Variants in ZNF407 observed in about 807,000 individuals in gnomAD.
ZNF407 encodes zinc finger protein 407.
Under a neutral mutation model 131.2 loss-of-function variants are expected in ZNF407, and 17 were observed. That is an observed-to-expected ratio of 0.13 (90% CI 0.09 to 0.19). The LOEUF (loss-of-function observed/expected upper bound fraction) is 0.19, where lower values mean the gene tolerates loss of function less well. Among genes scored for constraint, ZNF407 ranks in the 10% least tolerant of loss-of-function variants. The pLI is 1.00. For synonymous variants in ZNF407, 1,156 were observed against 1,062.0 expected, an observed-to-expected ratio of 1.09 and a Z score of -1.72; for missense variants, 2,681 against 2,830.6, an observed-to-expected ratio of 0.95 and a Z score of 1.20.
intron 3 of ZNF407, among the ~76,000 whole-genome samples, chr18:74,741,806 T>C (rs1968556974): frequency 6.6e-6 from 1 of 152,172 alleles, no homozygotes; most frequent in South Asian, 2.1e-4. Flanking sequence ...AAAATTGCTA[T>C]TTAAGAGCCT....
At chr18:75,005,269 C>T (rs1972895030) in intron 8 of ZNF407, among the ~76,000 whole-genome samples, 1 of 152,242 alleles carries the variant, frequency 6.6e-6, no homozygotes, top group Admixed American at 6.5e-5. Context: ...CATAGTTCCT[C>T]TACCTGAATT....
chr18:74,938,398 C>T (rs1243756570), intron 8 of ZNF407, among the ~76,000 whole-genome samples: 1 of 152,166 alleles, frequency 6.6e-6, no homozygotes, highest in East Asian at 1.9e-4. Flanking sequence ...TTAGAGTGAT[C>T]TTTCCACCTA....
rs1183369855 is a variant in ZNF407 at position 75,059,455 on chromosome 18, T to TGC, written c.5429-3695_5429-3694insGC. Among the ~76,000 whole-genome samples the TGC allele has an allele frequency of 5.3e-3, 802 of 152,320 alleles. 8 individuals carry two copies. Among genetic ancestry groups the TGC allele is most frequent in the African/African-American group, 0.018 (747 of 41,564 alleles). ...GAGGGGAATGACCAGAAGGCTGCCT[T>TGC]CTTTGTTTTTGTGTCCTTATTTCCG... On this transcript the variant is annotated intron_variant, in intron 8 of 8. Transcript: ENST00000299687.
intron 3 of ZNF407, among the ~76,000 whole-genome samples, chr18:74,751,301 A>G (rs1266347730): frequency 6.6e-6 from 1 of 152,094 alleles, no homozygotes; most frequent in East Asian, 1.9e-4. Flanking sequence ...GAAGGAGTTC[A>G]TTTTATTCTT....
chr18:75,010,165 T>C (rs1318494828), intron 8 of ZNF407, among the ~76,000 whole-genome samples: 3 of 152,200 alleles, frequency 2.0e-5, no homozygotes, highest in African/African-American at 7.2e-5. Context: ...TGTTTGCTAA[T>C]AAAGGACAAC....
At chr18:74,790,842 G>A (rs919929969) in intron 4 of ZNF407, among the ~76,000 whole-genome samples, 1 of 152,168 alleles carries the variant, frequency 6.6e-6, no homozygotes, top group Non-Finnish European at 1.5e-5. Context: ...TCTATCTGAA[G>A]TAATTTTTGT....
chr18:74,845,461 A>G (rs1485727163), intron 4 of ZNF407, among the ~76,000 whole-genome samples: 1 of 152,234 alleles, frequency 6.6e-6, no homozygotes, highest in African/African-American at 2.4e-5. Context: ...AGTAAGGATT[A>G]TTGATATCGC....
intron 8 of ZNF407, among the ~76,000 whole-genome samples, chr18:74,974,069 GTA>G (rs776610898): frequency 3.9e-5 from 6 of 152,138 alleles, no homozygotes; most frequent in Non-Finnish European, 7.3e-5. Flanking sequence ...ATTTATCATA[GTA>G]TATATAAGTA....
chr18:74,759,678 A>G (rs1038291970), intron 3 of ZNF407, among the ~76,000 whole-genome samples: 3 of 150,782 alleles, frequency 2.0e-5, no homozygotes, highest in Non-Finnish European at 4.4e-5. Flanking sequence ...CAATTATTTT[A>G]CTTTTCAGCT....
At chr18:74,976,050 G>T (rs902427873) in intron 8 of ZNF407, among the ~76,000 whole-genome samples, 1 of 152,068 alleles carries the variant, frequency 6.6e-6, no homozygotes, top group Admixed American at 6.6e-5. Context: ...TAATCTGGTC[G>T]TAATATTTTC....
At chr18:74,753,196 G>T (rs1004679810) in intron 3 of ZNF407, among the ~76,000 whole-genome samples, 2 of 152,102 alleles carry the variant, frequency 1.3e-5, no homozygotes, top group African/African-American at 4.8e-5. Context: ...TCTGTTATTG[G>T]TGCGTAGGAA....
intron 3 of ZNF407, among the ~76,000 whole-genome samples, chr18:74,669,207 C>G (rs1986045541): frequency 6.6e-6 from 1 of 152,230 alleles, no homozygotes; most frequent in Non-Finnish European, 1.5e-5. Context: ...CTTGTGCCCA[C>G]AGGTTTCTCA....
chr18:74,872,180 C>CG (rs1040080193), intron 4 of ZNF407, among the ~76,000 whole-genome samples: 1 of 151,062 alleles, frequency 6.6e-6, no homozygotes, highest in African/African-American at 2.4e-5. Context: ...GCCCCGCCCC[C>CG]CTCCACAGGC....
At chr18:74,747,188 C>T (rs1395215429) in intron 3 of ZNF407, among the ~76,000 whole-genome samples, 2 of 152,022 alleles carry the variant, frequency 1.3e-5, no homozygotes, top group Non-Finnish European at 2.9e-5. Context: ...TATTTCCTCA[C>T]TTTCTCTTTT....
intron 4 of ZNF407, among the ~76,000 whole-genome samples, chr18:74,794,091 T>C (rs1220622666): frequency 6.6e-6 from 1 of 152,190 alleles, no homozygotes; most frequent in Non-Finnish European, 1.5e-5. Flanking sequence ...CTCCGAAGCC[T>C]CTGGTGTTTG....
chr18:74,899,749 C>T (rs1374209887), intron 7 of ZNF407, among the ~76,000 whole-genome samples: 5 of 152,136 alleles, frequency 3.3e-5, no homozygotes, highest in Non-Finnish European at 5.9e-5. Context: ...AAAGAGTGGG[C>T]GGCGTGCCAG....
At chr18:74,706,022 A>G (rs1056194673) in intron 3 of ZNF407, among the ~76,000 whole-genome samples, 3 of 152,076 alleles carry the variant, frequency 2.0e-5, no homozygotes, top group African/African-American at 7.2e-5. Flanking sequence ...ATCTCATTCT[A>G]TTTCCTTCTC....
chr18:74,864,978 A>G (rs1970990272), intron 4 of ZNF407, among the ~76,000 whole-genome samples: 1 of 152,204 alleles, frequency 6.6e-6, no homozygotes, highest in South Asian at 2.1e-4. Flanking sequence ...ATTGTAATGA[A>G]CAATATCTAT....
intron 8 of ZNF407, among the ~76,000 whole-genome samples, chr18:75,034,326 C>T (rs1338127435): frequency 8.9e-6 from 1 of 112,094 alleles, no homozygotes; most frequent in Non-Finnish European, 1.7e-5. Context: ...TTTTTTGAGA[C>T]GTAGTTTCGC....
Sources: gnomAD v4.1 joint callset for allele counts (sites outside exome capture counted in the v4.1 genomes callset) on GRCh38, gnomAD v4.1.1 for gene constraint, MANE v1.5 for transcripts, NCBI Gene and HGNC (gene_info 2026-07-23, HGNC 2026-07-21) for gene names.